The following LRRC4C variants were observed in gnomAD, a reference collection of about 807,000 sequenced individuals.
LRRC4C encodes leucine rich repeat containing 4C.
In LRRC4C, 5 loss-of-function variants were observed where a neutral mutation model predicts 33.6. The observed-to-expected ratio is 0.15, with a 90% confidence interval of 0.08 to 0.31. The LOEUF is 0.31. Ranked by LOEUF, LRRC4C falls within the 10% of genes least tolerant of loss-of-function variation. LRRC4C has a pLI of 1.00. For synonymous variants in LRRC4C, 329 were observed against 302.0 expected (o/e 1.09, Z -0.93); for missense variants, 560 against 796.7 (o/e 0.70, Z 3.58).
intron 3 of LRRC4C, chr11:40,446,814 T>A (rs925274928): frequency 2.0e-5 from 3 of 152,092 alleles, no homozygotes; most frequent in Non-Finnish European, 4.4e-5. Flanking sequence ...GAGCTCTCAC[T>A]TACTATCACA....
intron 1 of LRRC4C, among the ~76,000 whole-genome samples, chr11:40,989,370 T>A (rs566759726): frequency 1.2e-4 from 18 of 152,226 alleles, no homozygotes; most frequent in Admixed American, 1.0e-3. Flanking sequence ...TAGGTGCAAA[T>A]GCTGTTCTCG....
chr11:40,116,308 T>A lies in LRRC4C; in HGVS notation c.-16A>T. ...TGTTCAACATTCATAATTTATCTGG[T>A]GTTGGTCCTTCTGGAATTCAAACAG... On this transcript the variant is annotated 5_prime_UTR_variant, in exon 7 of 7. Coordinates refer to ENST00000528697, the MANE Select transcript of LRRC4C (RefSeq NM_001258419.2). 1 of 1,560,710 alleles carries A rather than the reference T, an allele frequency of 6.4e-7. No individual in the cohort carries two copies. The highest frequency in any genetic ancestry group is 8.7e-7 in the Non-Finnish European group (1 of 1,151,528).
At chr11:40,977,929 A>G (rs1852201560) in intron 1 of LRRC4C, among the ~76,000 whole-genome samples, 1 of 152,238 alleles carries the variant, frequency 6.6e-6, no homozygotes, top group Non-Finnish European at 1.5e-5. Flanking sequence ...GTGAAGGCAC[A>G]CAGGAAAAAA....
intron 2 of LRRC4C, among the ~76,000 whole-genome samples, chr11:40,838,713 T>C (rs1202703528): frequency 1.3e-5 from 2 of 151,942 alleles, no homozygotes; most frequent in East Asian, 1.9e-4. Context: ...AGTATTTATA[T>C]ATAAATATAT....
chr11:41,009,300 G>A (rs559779387), intron 1 of LRRC4C, among the ~76,000 whole-genome samples: 66 of 151,534 alleles, frequency 4.4e-4, no homozygotes, highest in African/African-American at 1.5e-3. Context: ...TAAATTTTTC[G>A]AGTATCATTA....
intron 1 of LRRC4C, among the ~76,000 whole-genome samples, chr11:41,271,255 G>T (rs1451274411): frequency 6.6e-6 from 1 of 151,952 alleles, no homozygotes; most frequent in Non-Finnish European, 1.5e-5. Flanking sequence ...ATGTGATTTA[G>T]ATCCTATCAC....
At chr11:40,821,974 A>C (rs759494153) in intron 2 of LRRC4C, among the ~76,000 whole-genome samples, 18 of 151,988 alleles carry the variant, frequency 1.2e-4, no homozygotes, top group Non-Finnish European at 1.8e-4. Flanking sequence ...TTATAAGGAT[A>C]TCTATCCCCT....
Position 40,854,682 on chromosome 11 carries a change from T to C in LRRC4C, c.-407+78953A>G, listed in dbSNP as rs551959756. On this transcript the variant is annotated intron_variant, in intron 2 of 6. Transcript: ENST00000528697. ...AAAATTTTATACATTAAAAATATGT[T>C]TGTGTAATTAAACACAAATATATTT... Among the ~76,000 whole-genome samples, 3 of 151,674 alleles carry C rather than the reference T, an allele frequency of 2.0e-5. No homozygotes were observed. In the East Asian group the frequency reaches 5.8e-4, roughly 29 times the overall value.
At chr11:40,908,727 T>G (rs1956537127) in intron 2 of LRRC4C, among the ~76,000 whole-genome samples, 1 of 152,152 alleles carries the variant, frequency 6.6e-6, no homozygotes, top group African/African-American at 2.4e-5. Flanking sequence ...TGGAAGTGCA[T>G]ATAAATTAGA....
intron 1 of LRRC4C, among the ~76,000 whole-genome samples, chr11:41,181,751 A>C (rs1359204898): frequency 1.3e-5 from 2 of 152,208 alleles, no homozygotes; most frequent in African/African-American, 4.8e-5. Flanking sequence ...CTTCAAGATC[A>C]TCTTCCATTA....
intron 1 of LRRC4C, among the ~76,000 whole-genome samples, chr11:41,068,843 A>G (rs1329016797): frequency 6.6e-6 from 1 of 152,200 alleles, no homozygotes; most frequent in Non-Finnish European, 1.5e-5. Context: ...CCAAAAGAAC[A>G]AAGAGGAGCT....
chr11:41,220,240 T>A (rs1947242217), intron 1 of LRRC4C, among the ~76,000 whole-genome samples: 1 of 152,204 alleles, frequency 6.6e-6, no homozygotes, highest in African/African-American at 2.4e-5. Context: ...CTGATTGTTA[T>A]ACCAAAGTGA....
intron 2 of LRRC4C, among the ~76,000 whole-genome samples, chr11:40,729,750 C>T (rs76781593): frequency 3.7e-4 from 57 of 152,298 alleles, no homozygotes; most frequent in African/African-American, 1.3e-3. Context: ...TAAAATTACA[C>T]CTTCACACAC....
intron 4 of LRRC4C, among the ~76,000 whole-genome samples, chr11:40,282,822 T>C (rs765519675): frequency 1.3e-5 from 2 of 152,196 alleles, no homozygotes; most frequent in Non-Finnish European, 2.9e-5. Flanking sequence ...GTCAAATTAT[T>C]ATATCCATGA....
intron 1 of LRRC4C, among the ~76,000 whole-genome samples, chr11:41,026,420 A>G (rs550044576): frequency 1.3e-5 from 2 of 151,856 alleles, no homozygotes; most frequent in South Asian, 4.1e-4. Flanking sequence ...TCTTAGGATC[A>G]AACTTTAATG....
intron 3 of LRRC4C, among the ~76,000 whole-genome samples, chr11:40,421,495 T>C (rs1281060987): frequency 4.6e-5 from 7 of 152,288 alleles, no homozygotes; most frequent in African/African-American, 1.7e-4. Context: ...AGCAGAATGG[T>C]TGGCAGTTCA....
At chr11:40,118,051 A>C (rs976034491) in intron 6 of LRRC4C, among the ~76,000 whole-genome samples, 1 of 148,786 alleles carries the variant, frequency 6.7e-6, no homozygotes, top group Non-Finnish European at 1.5e-5. Flanking sequence ...TTTCATTATA[A>C]ATAGTAGTAA....
chr11:41,203,498 C>T (rs1014143507), intron 1 of LRRC4C, among the ~76,000 whole-genome samples: 1 of 152,106 alleles, frequency 6.6e-6, no homozygotes, highest in Non-Finnish European at 1.5e-5. Context: ...AAATAAATTG[C>T]AAACTTTATT....
chr11:41,236,619 G>A (rs953382133), intron 1 of LRRC4C, among the ~76,000 whole-genome samples: 7 of 152,044 alleles, frequency 4.6e-5, no homozygotes, highest in Admixed American at 1.3e-4. Flanking sequence ...GGGGGAACAA[G>A]TGATATCTTG....
Sources: allele counts gnomAD v4.1 joint callset (sites outside exome capture counted in the v4.1 genomes callset), GRCh38; gene constraint gnomAD v4.1.1; transcripts MANE v1.5; gene names NCBI Gene and HGNC (gene_info 2026-07-23, HGNC 2026-07-21).